The following DMD variants were observed in gnomAD, a reference collection of about 807,000 sequenced individuals.
DMD encodes dystrophin.
DMD carries 63 observed loss-of-function variants against 330.1 expected under a neutral mutation model. The observed-to-expected ratio is 0.19, with a 90% CI of 0.16 to 0.24. DMD has a LOEUF of 0.24. DMD is among the 10% of genes least tolerant of loss of function. DMD has a pLI of 1.00. For missense variants in DMD, 3,344 were observed against 2,684.1 expected (o/e 1.25, Z -5.43); for synonymous variants, 1,223 against 959.8 (o/e 1.27, Z -5.07).
chrX:31,821,824 T>C (rs1285053135), intron 49 of DMD, among the ~76,000 whole-genome samples: 1 of 111,900 alleles, frequency 8.9e-6, no homozygotes, highest in Non-Finnish European at 1.9e-5. Flanking sequence ...TTGGTTAAAA[T>C]AAATACATTA....
chrX:32,823,204 A>C, intron 5 of DMD, 91 bp downstream of exon 5: 1 of 735,711 alleles, frequency 1.4e-6, no homozygotes, highest in African/African-American at 2.1e-5. Flanking sequence ...TGTTATTGTT[A>C]GAAATACACA....
chrX:33,186,188 T>C (rs974410107), intron 1 of DMD, among the ~76,000 whole-genome samples: 11 of 112,088 alleles, frequency 9.8e-5, no homozygotes, highest in African/African-American at 3.2e-4. Context: ...TTGGTTCTCC[T>C]TGTTGAATCC....
chrX:31,880,796 T>C (rs1301668189), intron 47 of DMD, among the ~76,000 whole-genome samples: 1 of 112,514 alleles, frequency 8.9e-6, no homozygotes, highest in East Asian at 2.8e-4. Context: ...CCTACTGCAC[T>C]GCCAGTTATA....
chrX:32,753,002 T>A (rs777119406), intron 7 of DMD, among the ~76,000 whole-genome samples: 2 of 111,036 alleles, frequency 1.8e-5, no homozygotes, highest in African/African-American at 6.6e-5. Context: ...TATCTCTTTA[T>A]CAGCAGCATG....
Position 31,936,905 on chromosome X carries a change from T to C in DMD, c.6615-4678A>G, listed in dbSNP as rs763266097. ...TCTTCTGAATTGATTTATGGTGCTT[T>C]CTTCATGATATTTTAAGTTTCTGCT... On this transcript the variant is annotated intron_variant, in intron 45 of 78. Coordinates refer to ENST00000357033, the MANE Select transcript of DMD (RefSeq NM_004006.3). 2.7e-5 allele frequency among the ~76,000 whole-genome samples: 3 copies of C among 111,380 alleles called. No individual in the cohort carries two copies. In the South Asian group the frequency reaches 1.1e-3, roughly 41 times the overall value.
intron 30 of DMD, among the ~76,000 whole-genome samples, chrX:32,398,188 C>G (rs764061247): frequency 1.8e-5 from 2 of 109,265 alleles, no homozygotes; most frequent in Non-Finnish European, 3.8e-5. Context: ...TGAAAAGTTT[C>G]AGGTTATACT....
chrX:32,728,738 T>A (rs1375186643), intron 7 of DMD, among the ~76,000 whole-genome samples: 3 of 112,213 alleles, frequency 2.7e-5, no homozygotes, highest in Non-Finnish European at 1.9e-5. Flanking sequence ...TTCTTCTTCC[T>A]GTATTTTTTT....
At chrX:33,088,762 ATAACT>A (rs1287763922) in intron 1 of DMD, among the ~76,000 whole-genome samples, 1 of 112,399 alleles carries the variant, frequency 8.9e-6, no homozygotes, top group East Asian at 2.8e-4. Context: ...TTATAATAAA[ATAACT>A]TTAATGAGTG....
chrX:32,389,447 T>A, intron 32 of DMD, 54 bp downstream of exon 32: 1 of 1,132,195 alleles, frequency 8.8e-7, no homozygotes, highest in Non-Finnish European at 1.2e-6. Flanking sequence ...AGCAGTTACT[T>A]CTTAATGAGG....
intron 9 of DMD, among the ~76,000 whole-genome samples, chrX:32,677,188 C>A (rs935214137): frequency 9.0e-6 from 1 of 110,751 alleles, no homozygotes; most frequent in Admixed American, 9.7e-5. Context: ...AGATGTATAA[C>A]CACACAAATA....
intron 34 of DMD, 67 bp from the exon 35 acceptor site, chrX:32,365,266 C>T (rs986823723): frequency 4.9e-5 from 53 of 1,087,493 alleles, no homozygotes; most frequent in African/African-American, 1.8e-4. Context: ...GCTTATGAAA[C>T]GGCTTTCTGT....
intron 39 of DMD, among the ~76,000 whole-genome samples, chrX:32,345,473 G>C (rs963089710): frequency 2.7e-5 from 3 of 110,840 alleles, no homozygotes; most frequent in Non-Finnish European, 5.7e-5. Context: ...TTTCTTAAAG[G>C]CATAATAAAG....
intron 1 of DMD, among the ~76,000 whole-genome samples, chrX:33,250,859 A>G (rs2052761226): frequency 9.0e-6 from 1 of 111,341 alleles, no homozygotes; most frequent in African/African-American, 3.3e-5. Context: ...ATAAATTTAT[A>G]TTTTGAAATG....
At chrX:32,936,377 T>C (rs183980860) in intron 2 of DMD, among the ~76,000 whole-genome samples, 7 of 111,900 alleles carry the variant, frequency 6.3e-5, no homozygotes, top group African/African-American at 2.3e-4. Flanking sequence ...TCCCAAAGTG[T>C]TGGGATTTAC....
rs1301878146 is a variant in DMD at position 31,121,244 on chromosome X, T to C, written c.*675A>G. ...TTATATACTTATAGACATATAGATA[T>C]ATGAAATGAAAACTCAAGCCTGCCC... On this transcript the variant is annotated 3_prime_UTR_variant, in exon 79 of 79. Transcript: ENST00000357033. 2.7e-5 allele frequency: 3 copies of C among 113,009 alleles called. No homozygotes were observed. Among genetic ancestry groups the C allele is most frequent in the East Asian group, 5.5e-4 (2 of 3,610 alleles). The allele number at this position is 113,009 out of a possible 1,213,427, so 9.3% of individuals were successfully genotyped here.
rs1299731887 is a variant in DMD at position 33,305,009 on chromosome X, C to T, written c.7+34250G>A. Among the ~76,000 whole-genome samples, 5 of 108,805 alleles carry T rather than the reference C, an allele frequency of 4.6e-5. No individual in the cohort carries two copies. In the South Asian group the frequency reaches 1.6e-3, roughly 36 times the overall value. The allele number at this position is 108,805 out of a possible 115,157, so 94.5% of individuals were successfully genotyped here. ...TCAACCATTGTGGAAGTCAGTGTGG[C>T]GATTCCTCAGGGATCTAGAACTAGA... On this transcript the variant is annotated intron_variant, in intron 1 of 17. Transcript: ENST00000288447.
intron 6 of DMD, among the ~76,000 whole-genome samples, chrX:32,809,932 AAAAAAAAAAAAAAAGAAAGAAAG>A (rs2077231059): frequency 2.1e-5 from 2 of 94,108 alleles, no homozygotes; most frequent in South Asian, 5.6e-4. Flanking sequence ...AAAAAAAAAA[AAAAAAAAAAAAAAAGAAAGAAAG>A]AAAGAAAGAA....
intron 2 of DMD, among the ~76,000 whole-genome samples, chrX:33,007,232 T>A (rs753967137): frequency 8.1e-5 from 9 of 110,883 alleles, no homozygotes; most frequent in Non-Finnish European, 1.5e-4. Flanking sequence ...TTTGTCCTTC[T>A]AATACCACTC....
intron 2 of DMD, among the ~76,000 whole-genome samples, chrX:32,912,830 A>G (rs1486943699): frequency 9.0e-6 from 1 of 111,625 alleles, no homozygotes; most frequent in Non-Finnish European, 1.9e-5. Context: ...GGGTACATAG[A>G]TGGCTTCAAG....
Sources: gnomAD v4.1 joint callset for allele counts (sites outside exome capture counted in the v4.1 genomes callset) on GRCh38, gnomAD v4.1.1 for gene constraint, MANE v1.5 for transcripts, NCBI Gene and HGNC (gene_info 2026-07-23, HGNC 2026-07-21) for gene names.